The following BMP5 variants were observed in gnomAD, a reference collection of about 807,000 sequenced individuals.
BMP5 encodes the protein bone morphogenetic protein 5.
Under a neutral mutation model 46.6 loss-of-function variants are expected in BMP5, and 23 were observed. The ratio of observed to expected loss-of-function variants is 0.49; its 90% confidence interval spans 0.35 to 0.70. The LOEUF is 0.70. Among genes scored for constraint, BMP5 ranks in the 30% least tolerant of loss-of-function variants. BMP5 has a pLI of 0.00. For synonymous variants in BMP5, 204 were observed against 191.9 expected, an observed-to-expected ratio of 1.06 and a Z score of -0.52; for missense variants, 545 against 565.6, an observed-to-expected ratio of 0.96 and a Z score of 0.37.
intron 1 of BMP5, among the ~76,000 whole-genome samples, chr6:55,826,279 C>T (rs1185260023): frequency 6.6e-6 from 1 of 151,644 alleles, no homozygotes; most frequent in African/African-American, 2.4e-5. Flanking sequence ...TTTCAATTGA[C>T]TTTCAAATTT....
chr6:55,770,093 A>G (rs1205338207), intron 4 of BMP5, among the ~76,000 whole-genome samples: 1 of 151,872 alleles, frequency 6.6e-6, no homozygotes, highest in African/African-American at 2.4e-5. Flanking sequence ...CTCACCAGGT[A>G]TATTAGCCCA....
chr6:55,850,461 A>C (rs1777211590), intron 1 of BMP5, among the ~76,000 whole-genome samples: 1 of 152,120 alleles, frequency 6.6e-6, no homozygotes, highest in South Asian at 2.1e-4. Flanking sequence ...GATATATTTA[A>C]TATCCTTAAT....
chr6:55,814,417 C>T (rs1231867467), intron 2 of BMP5, among the ~76,000 whole-genome samples: 1 of 152,078 alleles, frequency 6.6e-6, no homozygotes, highest in East Asian at 1.9e-4. Context: ...TAGCCCTTCC[C>T]ACATCATCTG....
chr6:55,841,900 AACAGAGAGAGAGAG>A (rs1346325142), intron 1 of BMP5, among the ~76,000 whole-genome samples: 4 of 136,312 alleles, frequency 2.9e-5, no homozygotes, highest in East Asian at 4.0e-4. Flanking sequence ...TTCAGCCCAT[AACAGAGAGAGAGAG>A]ACAGAGAGAG....
intron 2 of BMP5, among the ~76,000 whole-genome samples, chr6:55,804,403 G>T (rs1775937209): frequency 6.6e-6 from 1 of 152,156 alleles, no homozygotes; most frequent in South Asian, 2.1e-4. Flanking sequence ...ATCCTCTAGA[G>T]GTTTTGGAGG....
intron 1 of BMP5, among the ~76,000 whole-genome samples, chr6:55,844,634 A>C (rs1035477586): frequency 6.6e-6 from 1 of 151,926 alleles, no homozygotes; most frequent in Non-Finnish European, 1.5e-5. Flanking sequence ...ATGTGAATTC[A>C]ATAATAGGAA....
chr6:55,849,604 T>C (rs903066623), intron 1 of BMP5, among the ~76,000 whole-genome samples: 1 of 151,970 alleles, frequency 6.6e-6, no homozygotes, highest in African/African-American at 2.4e-5. Context: ...CAGGAAGAGT[T>C]AGGAAAAATG....
intron 1 of BMP5, among the ~76,000 whole-genome samples, chr6:55,867,386 T>C (rs1777671971): frequency 6.6e-6 from 1 of 152,184 alleles, no homozygotes; most frequent in South Asian, 2.1e-4. Flanking sequence ...TCCCTTGTTT[T>C]GCTGCAACAA....
intron 4 of BMP5, among the ~76,000 whole-genome samples, chr6:55,765,823 T>C (rs1774904237): frequency 6.6e-6 from 1 of 152,186 alleles, no homozygotes. Context: ...GTAATGTGTT[T>C]GCATAACTCT....
intron 4 of BMP5, among the ~76,000 whole-genome samples, chr6:55,764,590 A>G (rs2127517411): frequency 8.6e-6 from 1 of 116,350 alleles, no homozygotes; most frequent in Non-Finnish European, 2.0e-5. Context: ...AAAAAAAAGA[A>G]AAAAAGAAAG....
chr6:55,783,058 T>C (rs1775364135), intron 3 of BMP5, among the ~76,000 whole-genome samples: 1 of 152,036 alleles, frequency 6.6e-6, no homozygotes, highest in African/African-American at 2.4e-5. Context: ...GGCATACGTA[T>C]TGTAGTTTCC....
intron 1 of BMP5, among the ~76,000 whole-genome samples, chr6:55,868,495 T>G (rs181883427): frequency 1.3e-5 from 2 of 152,310 alleles, no homozygotes; most frequent in Non-Finnish European, 2.9e-5. Context: ...CTTTTTGATT[T>G]ATGGGGTTTT....
At chr6:55,793,197 T>C (rs1199944267) in intron 3 of BMP5, among the ~76,000 whole-genome samples, 1 of 152,166 alleles carries the variant, frequency 6.6e-6, no homozygotes. Flanking sequence ...CTTGGCTTCC[T>C]GAGCCTTCTG....
chr6:55,797,877 A>T (rs573063959), intron 2 of BMP5, among the ~76,000 whole-genome samples: 64 of 152,166 alleles, frequency 4.2e-4, no homozygotes, highest in Non-Finnish European at 8.2e-4. Context: ...CGGCCTCCCA[A>T]AGTGCTGGGA....
intron 1 of BMP5, among the ~76,000 whole-genome samples, chr6:55,842,241 T>G (rs1427488405): frequency 6.6e-6 from 1 of 152,170 alleles, no homozygotes; most frequent in African/African-American, 2.4e-5. Flanking sequence ...TGTTCTTAGT[T>G]CTAAGGCATG....
rs1395370056 is a variant in BMP5, at chr6:55,875,186, C to T, written c.-321G>A. 1 of 247,438 alleles carries T rather than the reference C, an allele frequency of 4.0e-6. No homozygotes were observed. Among genetic ancestry groups the T allele is most frequent in the African/African-American group, 2.3e-5 (1 of 43,634 alleles). 15.3% of individuals were successfully genotyped at this position (247,438 alleles called of 1,614,324 possible). A position where few individuals can be genotyped will look rare whatever the true frequency, so the allele number is the denominator to read the frequency against. ...ATTTGATCAGATGACCTATGCATTC[C>T]TATATGAATTTATGATAATCAGGCC... On this transcript the variant is annotated 5_prime_UTR_variant, in exon 1 of 7. Coordinates refer to ENST00000370830, the MANE Select transcript of BMP5 (RefSeq NM_021073.4).
In BMP5 at chr6:55,848,701, C is replaced by T. The variant is rs1777154197; in HGVS notation, c.490+25675G>A. ...AATATCATCTCCTGGTTTTCAACTTCAGTCTCTATGTGATCTTTAGTCTCT... is the reference window on the plus strand; with the variant it reads ...AATATCATCTCCTGGTTTTCAACTTTAGTCTCTATGTGATCTTTAGTCTCT... On this transcript the variant is annotated intron_variant, in intron 1 of 6. Transcript: ENST00000370830. Among the ~76,000 whole-genome samples the T allele has an allele frequency of 1.3e-5, 2 of 151,866 alleles. 1 individual carries two copies. The highest frequency in any genetic ancestry group is 4.8e-5 in the African/African-American group (2 of 41,398).
chr6:55,820,714 C>T (rs1480447818), intron 1 of BMP5, among the ~76,000 whole-genome samples: 1 of 145,846 alleles, frequency 6.9e-6, no homozygotes, highest in Non-Finnish European at 1.5e-5. Context: ...TACTCTGCCC[C>T]GTGTTGTTTG....
At chr6:55,761,512 C>T (rs1258974110) in intron 4 of BMP5, among the ~76,000 whole-genome samples, 1 of 152,028 alleles carries the variant, frequency 6.6e-6, no homozygotes, top group Admixed American at 6.6e-5. Flanking sequence ...ACTTCTTCTC[C>T]TTCACCTTGC....
Sources: gnomAD v4.1 joint callset for allele counts (sites outside exome capture counted in the v4.1 genomes callset) on GRCh38, gnomAD v4.1.1 for gene constraint, MANE v1.5 for transcripts, NCBI Gene and HGNC (gene_info 2026-07-23, HGNC 2026-07-21) for gene names.